The following CLEC3A variants were observed in gnomAD, a reference collection of about 807,000 sequenced individuals.
CLEC3A encodes the protein C-type (calcium dependent, carbohydrate-recognition domain) lectin, superfamily member 1 (cartilage-derived).
CLEC3A carries 28 observed loss-of-function variants against 20.4 expected under a neutral mutation model. The observed-to-expected ratio is 1.37, with a 90% CI of 1.02 to 1.88. CLEC3A has a LOEUF of 1.88. Among genes scored for constraint, CLEC3A ranks in the 40% most tolerant of loss-of-function variants. CLEC3A has a pLI of 0.00. For synonymous variants in CLEC3A, 110 were observed against 88.1 expected (o/e 1.25, Z -1.39); for missense variants, 357 against 240.4 (o/e 1.48, Z -3.21).
chr16:78,027,507 A>G (rs1487206438), intron 1 of CLEC3A, among the ~76,000 whole-genome samples: 2 of 152,222 alleles, frequency 1.3e-5, no homozygotes, highest in Non-Finnish European at 2.9e-5. Context: ...CTAGAGTCAC[A>G]GGATGTGACT....
chr16:78,030,749 G>T lies in CLEC3A; in HGVS notation c.502G>T (p.Val168Phe), dbSNP rs2030074501. The stretch of plus-strand genomic sequence containing the variant: ...TAACGGTGGCAAGCGAGAAAACTGT[G>T]TCCTGTTCTCCCAATCAGCTCAGGG... ...QPNGGKRENC[V>F]LFSQSAQGKW... Residue 168 changes from valine to phenylalanine, a missense_variant, in exon 3 of 3, where the codon GTC becomes TTC. Physicochemically the swap from Val to Phe is conservative, Grantham distance 50. Transcript: ENST00000299642. 1 of 1,614,110 alleles carries T rather than the reference G, an allele frequency of 6.2e-7. No homozygotes were observed. Among genetic ancestry groups the T allele is most frequent in the Non-Finnish European group, 8.5e-7 (1 of 1,180,016 alleles).
chr16:78,024,150 C>G (rs1174665496), intron 1 of CLEC3A, among the ~76,000 whole-genome samples: 2 of 152,114 alleles, frequency 1.3e-5, no homozygotes, highest in African/African-American at 4.8e-5. Flanking sequence ...GTAGATGAAA[C>G]ATATTGCTGA....
chr16:78,029,163 A>G (rs1277521183), intron 2 of CLEC3A: 4 of 455,762 alleles, frequency 8.8e-6, no homozygotes, highest in Middle Eastern at 3.3e-4. Context: ...TAATTTGTTC[A>G]AGAGATACAC....
chr16:78,028,843 T>TAC (rs1323745139), intron 2 of CLEC3A, among the ~76,000 whole-genome samples: 3 of 152,236 alleles, frequency 2.0e-5, no homozygotes, highest in Non-Finnish European at 4.4e-5. Context: ...AGACTGAAGT[T>TAC]ACGGCTTTCC....
intron 1 of CLEC3A, among the ~76,000 whole-genome samples, chr16:78,024,154 T>C (rs1042308272): frequency 6.6e-6 from 1 of 152,180 alleles, no homozygotes; most frequent in African/African-American, 2.4e-5. Context: ...ATGAAACATA[T>C]TGCTGAAGAT....
chr16:78,028,612 C>A (rs563574559), intron 2 of CLEC3A, among the ~76,000 whole-genome samples: 1 of 152,216 alleles, frequency 6.6e-6, no homozygotes, highest in Non-Finnish European at 1.5e-5. Context: ...AACAGGGCAG[C>A]GCCAGCGTTC....
intron 1 of CLEC3A, among the ~76,000 whole-genome samples, chr16:78,022,945 A>T (rs933980448): frequency 2.0e-5 from 3 of 149,336 alleles, no homozygotes; most frequent in South Asian, 2.1e-4. Context: ...GCTGGGTTTT[A>T]AAAAAAAACA....
Position 78,030,623 on chromosome 16 carries a change from A to T in CLEC3A, c.376A>T (p.Asn126Tyr). The change falls in exon 3 of 3, where the codon AAT (asparagine) becomes TAT (tyrosine). Residue 126 changes from asparagine (N) to tyrosine (Y), a missense_variant. Asn to Tyr is a moderately radical substitution (Grantham distance 143). Coordinates refer to ENST00000299642, the MANE Select transcript of CLEC3A (RefSeq NM_005752.6). ...TGGTAAAAGGAGCCTGCCAGGTGTC[A>T]ATGACTTTTGGCTGGGCATCAATGA... ...DYGKRSLPGV[N>Y]DFWLGINDMV... 1 of 1,614,134 alleles carries T rather than the reference A, an allele frequency of 6.2e-7. No individual in the cohort carries two copies. The highest frequency in any genetic ancestry group is 8.5e-7 in the Non-Finnish European group (1 of 1,180,022).
At position 78,022,861 on chromosome 16, in the gene CLEC3A, T is replaced by A. The variant is rs1013538038; in HGVS notation, c.115+120T>A. 4 of 986,106 alleles carry A rather than the reference T, an allele frequency of 4.1e-6. No individual in the cohort carries two copies. In the Admixed American group the frequency reaches 9.8e-5, roughly 24 times the overall value. The allele number at this position is 986,106 out of a possible 1,614,324, so 61.1% of individuals were successfully genotyped here. On this transcript the variant is annotated intron_variant, in intron 1 of 2. Coordinates refer to ENST00000299642, the MANE Select transcript of CLEC3A (RefSeq NM_005752.6). The stretch of plus-strand genomic sequence containing the variant: ...CTTCGGTGATGGCACCATGCCATCA[T>A]CCCTATATGGCATTTCAGGGGATTA...
intron 2 of CLEC3A, among the ~76,000 whole-genome samples, chr16:78,029,385 T>C (rs1255922902): frequency 6.6e-6 from 1 of 152,218 alleles, no homozygotes; most frequent in Non-Finnish European, 1.5e-5. Flanking sequence ...TGATTGATTT[T>C]TGAGACAGAG....
chr16:78,027,598 C>G (rs577905360), intron 1 of CLEC3A, among the ~76,000 whole-genome samples: 1 of 152,254 alleles, frequency 6.6e-6, no homozygotes, highest in East Asian at 1.9e-4. Flanking sequence ...ATCTTCCTGT[C>G]CAAGTTATTT....
At chr16:78,023,411 G>A (rs1241008756) in intron 1 of CLEC3A, among the ~76,000 whole-genome samples, 2 of 152,072 alleles carry the variant, frequency 1.3e-5, no homozygotes, top group Non-Finnish European at 2.9e-5. Flanking sequence ...CAAATTTTGA[G>A]TGACTTGAAT....
At chr16:78,022,794 G>A (rs540836245) in intron 1 of CLEC3A, 53 bp downstream of exon 1, 65 of 1,590,390 alleles carry the variant, frequency 4.1e-5, no homozygotes, top group Non-Finnish European at 6.9e-6. Context: ...GTGTGGGGAG[G>A]TGCTGGACAA....
intron 1 of CLEC3A, among the ~76,000 whole-genome samples, chr16:78,026,410 G>A (rs766088578): frequency 6.6e-6 from 1 of 152,154 alleles, no homozygotes; most frequent in Non-Finnish European, 1.5e-5. Context: ...TCTGTCTGGG[G>A]CCATGTGCTC....
rs2030137986 is a variant in CLEC3A, at chr16:78,031,854, T to A, written c.*1013T>A. Reference sequence around the variant, plus strand: ...TTATTCTGCCTAGTGCTATTCTGCTTGTTTAACTAGATTGTACAAAATAAC... The same window carrying A: ...TTATTCTGCCTAGTGCTATTCTGCTAGTTTAACTAGATTGTACAAAATAAC... On this transcript the variant is annotated 3_prime_UTR_variant, in exon 3 of 3. Transcript: ENST00000299642. 1 of 152,228 alleles carries A rather than the reference T, an allele frequency of 6.6e-6. No individual in the cohort carries two copies. Among genetic ancestry groups the A allele is most frequent in the Admixed American group, 6.5e-5 (1 of 15,274 alleles). 9.4% of individuals were successfully genotyped at this position (152,228 alleles called of 1,614,324 possible).
chr16:78,028,696 T>G (rs1344304266), intron 2 of CLEC3A, among the ~76,000 whole-genome samples: 2 of 152,226 alleles, frequency 1.3e-5, no homozygotes, highest in Admixed American at 6.5e-5. Context: ...GTGAGCCATG[T>G]GGGCAGGTTT....
chr16:78,027,958 A>T, intron 1 of CLEC3A, 149 bp from the exon 2 acceptor site: 2 of 666,396 alleles, frequency 3.0e-6, no homozygotes, highest in Non-Finnish European at 5.2e-6. Flanking sequence ...GCCAGCCCCA[A>T]GTTATTTTCA....
intron 1 of CLEC3A, among the ~76,000 whole-genome samples, chr16:78,027,253 T>C (rs1030127899): frequency 4.6e-5 from 7 of 152,076 alleles, no homozygotes; most frequent in South Asian, 2.1e-4. Flanking sequence ...GAATACTCTA[T>C]AAAATATGGA....
chr16:78,025,773 T>C (rs1277533639), intron 1 of CLEC3A, among the ~76,000 whole-genome samples: 2 of 152,192 alleles, frequency 1.3e-5, no homozygotes, highest in East Asian at 1.9e-4. Context: ...CCTTTGTTTG[T>C]TGTACATAAA....
Sources: gnomAD v4.1 joint callset for allele counts (sites outside exome capture counted in the v4.1 genomes callset) on GRCh38, gnomAD v4.1.1 for gene constraint, MANE v1.5 for transcripts, NCBI Gene and HGNC (gene_info 2026-07-23, HGNC 2026-07-21) for gene names.